The following LHFPL3 variants were observed in gnomAD, a reference collection of about 807,000 sequenced individuals.
LHFPL3 encodes the protein LHFPL tetraspan subfamily member 3 protein.
In LHFPL3, 5 loss-of-function variants were observed where a neutral mutation model predicts 19.3. The ratio of observed to expected loss-of-function variants is 0.26; its 90% confidence interval spans 0.14 to 0.54. The LOEUF (loss-of-function observed/expected upper bound fraction) is 0.54. Ranked by LOEUF, LHFPL3 falls within the 20% of genes least tolerant of loss-of-function variation. LHFPL3 has a pLI of 0.94. For synonymous variants in LHFPL3, 133 were observed against 126.2 expected (o/e 1.05, Z -0.36); for missense variants, 249 against 307.4 (o/e 0.81, Z 1.42).
chr7:104,707,650 A>G (rs1793216912), intron 1 of LHFPL3, among the ~76,000 whole-genome samples: 1 of 152,058 alleles, frequency 6.6e-6, no homozygotes, highest in African/African-American at 2.4e-5. Flanking sequence ...CCATTTTCCT[A>G]GTAGTGTTTT....
intron 1 of LHFPL3, among the ~76,000 whole-genome samples, chr7:104,717,459 A>T (rs1331865997): frequency 6.6e-6 from 1 of 152,174 alleles, no homozygotes; most frequent in Non-Finnish European, 1.5e-5. Context: ...TACACAATAG[A>T]GAAAAACTAA....
At chr7:104,658,262 A>T (rs73181833) in intron 1 of LHFPL3, among the ~76,000 whole-genome samples, 6,685 of 152,290 alleles carry the variant, frequency 0.044, 192 homozygotes, top group East Asian at 0.13. Context: ...GCATTTCTAG[A>T]TAAATTAGAA....
chr7:104,737,312 G>A (rs1793846751), intron 2 of LHFPL3, among the ~76,000 whole-genome samples: 1 of 152,058 alleles, frequency 6.6e-6, no homozygotes. Flanking sequence ...TAAATGCCTG[G>A]AGAATCTCTA....
At chr7:104,651,234 A>G (rs758381459) in intron 1 of LHFPL3, among the ~76,000 whole-genome samples, 3 of 152,234 alleles carry the variant, frequency 2.0e-5, no homozygotes, top group Non-Finnish European at 4.4e-5. Flanking sequence ...TCCATGACCT[A>G]AAATCATCCA....
At chr7:104,614,288 G>T (rs567678539) in intron 1 of LHFPL3, among the ~76,000 whole-genome samples, 1 of 152,216 alleles carries the variant, frequency 6.6e-6, no homozygotes. Context: ...AATTATTTGA[G>T]TTTCTAAGAA....
chr7:104,486,556 T>A (rs1392046771), intron 1 of LHFPL3, among the ~76,000 whole-genome samples: 1 of 152,186 alleles, frequency 6.6e-6, no homozygotes, highest in South Asian at 2.1e-4. Flanking sequence ...AAACCTCTTC[T>A]CTAAAGGCAC....
chr7:104,470,091 T>C, intron 1 of LHFPL3: 1 of 455,862 alleles, frequency 2.2e-6, no homozygotes, highest in Non-Finnish European at 4.4e-6. Flanking sequence ...TGAGAGGTCA[T>C]AGAATGAACC....
chr7:104,353,606 A>G (rs1012227171), intron 1 of LHFPL3, among the ~76,000 whole-genome samples: 2 of 152,240 alleles, frequency 1.3e-5, no homozygotes, highest in Admixed American at 1.3e-4. Context: ...TATTTTCTTC[A>G]TCAATGCCCT....
chr7:104,729,909 C>A (rs1466904206), intron 1 of LHFPL3, among the ~76,000 whole-genome samples: 3 of 151,770 alleles, frequency 2.0e-5, no homozygotes, highest in Non-Finnish European at 2.9e-5. Flanking sequence ...CCCCACCCCA[C>A]AACAGGCCCC....
Position 104,468,902 on chromosome 7 carries a change from G to A in LHFPL3, c.445+139678G>A, listed in dbSNP as rs887300748. 5.3e-5 allele frequency among the ~76,000 whole-genome samples: 8 copies of A among 152,032 alleles called. No homozygotes were observed. The East Asian group carries it at 9.7e-4, about 18-fold the overall frequency. On this transcript the variant is annotated intron_variant, in intron 1 of 2. Transcript: ENST00000424859. ...TCTTGAACTCCTGACCTCATGATCC[G>A]CCTGCCTCTTCCTCCCAAAGTGCTG...
chr7:104,880,162 T>C (rs997461308), intron 2 of LHFPL3, among the ~76,000 whole-genome samples: 1 of 152,094 alleles, frequency 6.6e-6, no homozygotes, highest in African/African-American at 2.4e-5. Flanking sequence ...TGGGAGGTGT[T>C]TGAGTCATGG....
chr7:104,745,928 C>T (rs570830814), intron 2 of LHFPL3, among the ~76,000 whole-genome samples: 6 of 152,286 alleles, frequency 3.9e-5, no homozygotes, highest in Admixed American at 6.5e-5. Context: ...CCCCTCTCAT[C>T]TATATTGGGG....
chr7:104,594,589 G>T (rs992435663), intron 1 of LHFPL3, among the ~76,000 whole-genome samples: 1 of 152,122 alleles, frequency 6.6e-6, no homozygotes, highest in African/African-American at 2.4e-5. Flanking sequence ...GGCCTGCCTT[G>T]CTGTATTGGG....
intron 1 of LHFPL3, among the ~76,000 whole-genome samples, chr7:104,732,519 T>C (rs534407025): frequency 6.6e-6 from 1 of 152,332 alleles, no homozygotes; most frequent in South Asian, 2.1e-4. Context: ...TGTAGAGGTG[T>C]TTATAGTATT....
intron 1 of LHFPL3, among the ~76,000 whole-genome samples, chr7:104,366,508 A>G (rs1441780302): frequency 6.6e-6 from 1 of 152,230 alleles, no homozygotes. Context: ...TGGGCTGTAG[A>G]CAAGGTTGGC....
intron 1 of LHFPL3, among the ~76,000 whole-genome samples, chr7:104,708,400 C>T (rs1793231560): frequency 6.6e-6 from 1 of 152,160 alleles, no homozygotes; most frequent in South Asian, 2.1e-4. Context: ...CTATAGGGAG[C>T]TTGAGTTTGA....
chr7:104,880,271 T>C (rs954777988), intron 2 of LHFPL3, among the ~76,000 whole-genome samples: 6 of 151,844 alleles, frequency 4.0e-5, no homozygotes, highest in African/African-American at 1.5e-4. Flanking sequence ...AGTGTGGCAC[T>C]TCCCCCCTCC....
intron 1 of LHFPL3, among the ~76,000 whole-genome samples, chr7:104,620,889 C>T (rs545590770): frequency 6.6e-6 from 1 of 152,312 alleles, no homozygotes; most frequent in South Asian, 2.1e-4. Flanking sequence ...CCTTCAAGGC[C>T]GTAAGGCTGG....
chr7:104,618,741 A>G (rs909113471), intron 1 of LHFPL3, among the ~76,000 whole-genome samples: 6 of 152,242 alleles, frequency 3.9e-5, no homozygotes, highest in African/African-American at 1.4e-4. Context: ...GGTAATGTGA[A>G]ACTTACAAGA....
Sources: gnomAD v4.1 joint callset for allele counts (sites outside exome capture counted in the v4.1 genomes callset) on GRCh38, gnomAD v4.1.1 for gene constraint, MANE v1.5 for transcripts, NCBI Gene and HGNC (gene_info 2026-07-23, HGNC 2026-07-21) for gene names.